RAVER2: variants seen among roughly 807,000 people sequenced by gnomAD.
RAVER2 encodes ribonucleoprotein, PTB binding 2.
Under a neutral mutation model 78.1 loss-of-function variants are expected in RAVER2, and 46 were observed. The observed-to-expected ratio is 0.59, with a 90% CI of 0.46 to 0.75. The LOEUF is 0.75. Ranked by LOEUF, RAVER2 falls within the 30% of genes least tolerant of loss-of-function variation. The pLI is 0.00. For synonymous variants in RAVER2, 311 were observed against 313.3 expected (o/e 0.99, Z 0.08); for missense variants, 793 against 837.5 (o/e 0.95, Z 0.66).
At chr1:64,810,521 A>G (rs750046142) in intron 9 of RAVER2, among the ~76,000 whole-genome samples, 35 of 152,292 alleles carry the variant, frequency 2.3e-4, no homozygotes, top group Non-Finnish European at 4.6e-4. Context: ...ATTACCTCCC[A>G]AAGGCCCCAC....
intron 1 of RAVER2, among the ~76,000 whole-genome samples, chr1:64,749,425 G>A (rs751476930): frequency 2.6e-4 from 39 of 152,102 alleles, no homozygotes; most frequent in Non-Finnish European, 5.0e-4. Flanking sequence ...TGGCCAGGCT[G>A]CTCTCGAATG....
chr1:64,784,199 C>T (rs910208814), intron 4 of RAVER2, among the ~76,000 whole-genome samples: 13 of 152,130 alleles, frequency 8.5e-5, no homozygotes, highest in Admixed American at 3.9e-4. Context: ...GTCTGGGAAA[C>T]ATGGTGAAGC....
chr1:64,777,382 A>G (rs1388547206), intron 2 of RAVER2, among the ~76,000 whole-genome samples: 1 of 152,166 alleles, frequency 6.6e-6, no homozygotes, highest in African/African-American at 2.4e-5. Flanking sequence ...TAATCCCTGT[A>G]CTTTCTATTT....
At chr1:64,807,216 G>C in exon 9 of RAVER2, 1 of 1,613,488 alleles carries the variant, frequency 6.2e-7, no homozygotes, top group Non-Finnish European at 8.5e-7. Context: ...CATCTAGCCT[G>C]ATTCCAACTC....
At chr1:64,812,362 C>CAAAAAAAA (rs61411897) in intron 9 of RAVER2, among the ~76,000 whole-genome samples, 1 of 70,084 alleles carries the variant, frequency 1.4e-5, no homozygotes, top group Non-Finnish European at 2.8e-5. Flanking sequence ...ATTCCATCTC[C>CAAAAAAAA]AAAAAAAAAA....
At chr1:64,765,648 G>A (rs903247579) in intron 1 of RAVER2, among the ~76,000 whole-genome samples, 1 of 152,176 alleles carries the variant, frequency 6.6e-6, no homozygotes, top group Non-Finnish European at 1.5e-5. Context: ...GTGAAGGAAT[G>A]CAGAGGTGGA....
chr1:64,815,107 T>G (rs1053025447), intron 11 of RAVER2: 9 of 218,946 alleles, frequency 4.1e-5, no homozygotes, highest in African/African-American at 1.4e-4. Context: ...CACCACCTGG[T>G]TTTGTAAATA....
At chr1:64,746,688 C>T (rs1199506709) in intron 1 of RAVER2, among the ~76,000 whole-genome samples, 1 of 152,168 alleles carries the variant, frequency 6.6e-6, no homozygotes, top group Admixed American at 6.5e-5. Flanking sequence ...TTTATCTCAT[C>T]TGTCTTTCAA....
chr1:64,825,882 A>G (rs1653993973), intron 11 of RAVER2, among the ~76,000 whole-genome samples: 1 of 152,278 alleles, frequency 6.6e-6, no homozygotes, highest in Non-Finnish European at 1.5e-5. Context: ...TGCATAGAGA[A>G]TGGGTTTCAT....
rs565150873 is a variant in RAVER2, at chr1:64,795,998, T to C, written c.1105+6484T>C. Among the ~76,000 whole-genome samples, 5 of 152,154 alleles carry C rather than the reference T, an allele frequency of 3.3e-5. No individual in the cohort carries two copies. In the East Asian group the frequency reaches 9.6e-4, roughly 29 times the overall value. On this transcript the variant is annotated intron_variant, in intron 5 of 11. Coordinates refer to ENST00000294428, the Ensembl canonical transcript of RAVER2. The stretch of plus-strand genomic sequence containing the variant: ...TATTTCTAATTGCCGAATTTTAGCA[T>C]GATGGTTGCTGGAACTTGTTGAATG...
chr1:64,832,759 A>AATT (rs1206404976), exon 12 of RAVER2: 1 of 152,210 alleles, frequency 6.6e-6, no homozygotes, highest in Non-Finnish European at 1.5e-5. Context: ...AACTGATAAG[A>AATT]ATTAGGCATC....
At chr1:64,804,693 C>A in intron 6 of RAVER2, 41 bp from the exon 7 acceptor site, 3 of 1,029,404 alleles carry the variant, frequency 2.9e-6, no homozygotes, top group South Asian at 1.4e-5. Context: ...CAACATGTAG[C>A]TTTTCAAAAT....
In RAVER2 at chr1:64,783,361, G is replaced by A. The variant is rs181270523; in HGVS notation, c.978+1790G>A. On this transcript the variant is annotated intron_variant, in intron 4 of 11. Coordinates refer to ENST00000294428, the Ensembl canonical transcript of RAVER2. ...ACACTCCCACCAACAGTGTAAAAGC[G>A]TTCCTATTTCTCCACATCCTCTCTA... is the stretch of plus-strand genomic sequence containing the variant. 2.5e-3 allele frequency among the ~76,000 whole-genome samples: 374 copies of A among 152,250 alleles called. 4 individuals carry two copies. The highest frequency in any genetic ancestry group is 8.5e-3 in the African/African-American group (352 of 41,552).
At chr1:64,761,612 A>G (rs1452221626) in intron 1 of RAVER2, among the ~76,000 whole-genome samples, 2 of 152,216 alleles carry the variant, frequency 1.3e-5, no homozygotes, top group African/African-American at 2.4e-5. Context: ...ATCATATTCA[A>G]TGGTGAAATG....
exon 12 of RAVER2, chr1:64,830,942 C>G: frequency 6.2e-7 from 1 of 1,613,764 alleles, no homozygotes; most frequent in Non-Finnish European, 8.5e-7. Flanking sequence ...GGCACAGGAG[C>G]ATATTACATG....
At chr1:64,815,875 CTATATTTAGAG>C (rs1210799467) in intron 11 of RAVER2, 2 of 152,076 alleles carry the variant, frequency 1.3e-5, no homozygotes, top group African/African-American at 4.8e-5. Context: ...GACAGTATAT[CTATATTTAGAG>C]AACAGTGATC....
Position 64,745,845 on chromosome 1 carries a change from G to C in RAVER2, c.249+424G>C, listed in dbSNP as rs1281238896. Among the ~76,000 whole-genome samples, 1 of 152,146 alleles carries C rather than the reference G, an allele frequency of 6.6e-6. No individual in the cohort carries two copies. The highest frequency in any genetic ancestry group is 1.9e-4 in the East Asian group (1 of 5,178). On this transcript the variant is annotated intron_variant, in intron 1 of 11. Transcript: ENST00000294428. This position sits in a 1 kb window ranked among gnomAD's most constrained non-coding sequence, Gnocchi z 4.3. ...GCAGGGGCGAGGGCTCCAACGTATAGTCCCCGGTGCTCGGGAGTGCCATAG... is the reference window on the plus strand; with the variant it reads ...GCAGGGGCGAGGGCTCCAACGTATACTCCCCGGTGCTCGGGAGTGCCATAG...
At chr1:64,808,162 C>T (rs753833865) in intron 9 of RAVER2, among the ~76,000 whole-genome samples, 5 of 151,870 alleles carry the variant, frequency 3.3e-5, no homozygotes, top group South Asian at 2.1e-4. Flanking sequence ...AAGATTTTAC[C>T]GAATCATTTT....
At chr1:64,814,997 T>G (rs1420025644) in intron 11 of RAVER2, 157 bp downstream of exon 11, 1 of 593,028 alleles carries the variant, frequency 1.7e-6, no homozygotes, top group Non-Finnish European at 2.5e-6. Context: ...AATTTGGGAA[T>G]GTGTTCAAGA....
Sources: gnomAD v4.1 joint callset for allele counts (sites outside exome capture counted in the v4.1 genomes callset) on GRCh38, gnomAD v4.1.1 for gene constraint, Gnocchi (gnomAD v3.1) non-coding constraint, MANE v1.5 for transcripts, NCBI Gene and HGNC (gene_info 2026-07-23, HGNC 2026-07-21) for gene names.